Variants in TNNT1 observed in about 807,000 individuals in gnomAD.
The protein encoded by TNNT1 is troponin T, slow skeletal muscle.
In TNNT1, 53 loss-of-function variants were observed where a neutral mutation model predicts 50.6. That is an observed-to-expected ratio of 1.05 (90% confidence interval 0.84 to 1.32). The LOEUF is 1.32. TNNT1 is among the 40% of genes most tolerant of loss of function. The probability of loss-of-function intolerance (pLI) is 0.00; values close to 1 mark genes in which losing one functional copy is unlikely to be tolerated. For missense variants in TNNT1, 348 were observed against 381.7 expected (o/e 0.91, Z 0.74); for synonymous variants, 142 against 138.0 (o/e 1.03, Z -0.20).
At chr19:55,135,905 A>G (rs1409226988) in intron 11 of TNNT1, among the ~76,000 whole-genome samples, 3 of 152,186 alleles carry the variant, frequency 2.0e-5, no homozygotes, top group African/African-American at 7.2e-5. Context: ...CCTGCTGTGC[A>G]CATCCTTTCC....
intron 9 of TNNT1, 101 bp from the exon 10 acceptor site, chr19:55,138,175 G>C: frequency 6.3e-7 from 1 of 1,593,644 alleles, no homozygotes; most frequent in Non-Finnish European, 8.5e-7. Context: ...CAGACCCAGT[G>C]CCGCAGAGGC....
intron 11 of TNNT1, among the ~76,000 whole-genome samples, chr19:55,134,674 A>T (rs2085309715): frequency 9.6e-6 from 1 of 103,824 alleles, no homozygotes; most frequent in Non-Finnish European, 1.9e-5. Flanking sequence ...GAAAGGAAAG[A>T]AAAGGAGAAA....
chr19:55,137,377 C>A (rs1014524069), intron 10 of TNNT1, among the ~76,000 whole-genome samples, 165 bp from the exon 11 acceptor site: 1 of 151,948 alleles, frequency 6.6e-6, no homozygotes. Flanking sequence ...CCCACTCCCT[C>A]CTCCCTCAGA....
intron 6 of TNNT1, among the ~76,000 whole-genome samples, chr19:55,142,276 A>G (rs1032796595): frequency 1.3e-5 from 2 of 150,608 alleles, no homozygotes; most frequent in African/African-American, 2.5e-5. Context: ...GCCCACCACC[A>G]AGCCTGGCTA....
In TNNT1 at chr19:55,134,145, T is replaced by C; in HGVS notation, c.671A>G (p.Gln224Arg). The stretch of plus-strand genomic sequence containing the variant: ...CTGGTGGATCCAGTCCGACAGCTCC[T>C]GGGCTTTCTCCCTGGCAGGGCAGGA... ...QPSCPAREKA[Q>R]ELSDWIHQLE... Residue 224 changes from glutamine to arginine, a missense_variant, in exon 12 of 14, where the codon CAG becomes CGG. Transcript: ENST00000588981. The C allele has an allele frequency of 1.9e-6, 3 of 1,607,252 alleles. No homozygotes were observed. The highest frequency in any genetic ancestry group is 2.5e-6 in the Non-Finnish European group (3 of 1,177,398).
rs540498778 is a variant in TNNT1 at position 55,138,108 on chromosome 19, C to T, written c.388-34G>A. 333 of 1,613,784 alleles carry T rather than the reference C, an allele frequency of 2.1e-4. 2 individuals carry two copies. In the South Asian group the frequency reaches 3.5e-3, roughly 17 times the overall value. ...AGTAAGGGGTTAACCTCATGGACTC[C>T]CCTGTAGGACTGAGGGAGGAGGGCC... On this transcript the variant is annotated intron_variant, in intron 9 of 13. Coordinates refer to ENST00000588981, the MANE Select transcript of TNNT1 (RefSeq NM_003283.6).
chr19:55,143,734 C>T (rs188818833), intron 6 of TNNT1, among the ~76,000 whole-genome samples: 1 of 152,118 alleles, frequency 6.6e-6, no homozygotes, highest in African/African-American at 2.4e-5. Flanking sequence ...TTCCTTTTCC[C>T]TTTTCTCATC....
At chr19:55,146,530 C>T (rs998116225) in intron 4 of TNNT1, 64 bp from the exon 5 acceptor site, 4 of 1,124,648 alleles carry the variant, frequency 3.6e-6, no homozygotes, top group Non-Finnish European at 4.7e-6. Flanking sequence ...CACGCCCGGG[C>T]GCGGGAGGGG....
At chr19:55,145,667 C>T (rs1366385451) in intron 5 of TNNT1, 102 bp from the exon 6 acceptor site, 1 of 1,309,558 alleles carries the variant, frequency 7.6e-7, no homozygotes, top group Non-Finnish European at 1.1e-6. Context: ...CCTCGGCCCC[C>T]AGGACCCCAG....
chr19:55,137,089 C>A lies in TNNT1; in HGVS notation c.611+14G>T. 6.5e-7 allele frequency: 1 copy of A among 1,543,126 alleles called. No individual in the cohort carries two copies. The highest frequency in any genetic ancestry group is 1.1e-5 in the South Asian group (1 of 89,662). ...ACCCAGGCCCCTACACCCCGAGCCCCCCACAGCACCTACCGGAGCTGTTCC... is the reference window on the plus strand; with the variant it reads ...ACCCAGGCCCCTACACCCCGAGCCCACCACAGCACCTACCGGAGCTGTTCC... On this transcript the variant is annotated intron_variant, in intron 11 of 13. Transcript: ENST00000588981.
In TNNT1 at chr19:55,132,759, G is replaced by T; in HGVS notation, c.*156C>A. 1 of 714,018 alleles carries T rather than the reference G, an allele frequency of 1.4e-6. No individual in the cohort carries two copies. Among genetic ancestry groups the T allele is most frequent in the Non-Finnish European group, 2.5e-6 (1 of 405,470 alleles). 44.2% of individuals were successfully genotyped at this position (714,018 alleles called of 1,614,324 possible). A position where few individuals can be genotyped will look rare whatever the true frequency, so the allele number is the denominator to read the frequency against. ...TGACACTCTTTCAAGTAACTTGTTG[G>T]TAATAAGAAGTCAATTAACCAGGAG... On this transcript the variant is annotated 3_prime_UTR_variant, in exon 14 of 14. Transcript: ENST00000588981.
intron 6 of TNNT1, among the ~76,000 whole-genome samples, chr19:55,144,002 A>G (rs138646173): frequency 5.2e-4 from 78 of 151,128 alleles, no homozygotes; most frequent in African/African-American, 1.8e-3. Flanking sequence ...CCCCTTGCCC[A>G]ACAATCCCCA....
At chr19:55,140,793 A>G in intron 9 of TNNT1, 90 bp downstream of exon 9, 1 of 921,824 alleles carries the variant, frequency 1.1e-6, no homozygotes, top group African/African-American at 2.0e-5. Flanking sequence ...TAATAATAAT[A>G]GTAATAATAA....
At chr19:55,133,981 C>G in intron 12 of TNNT1, 54 bp from the exon 13 acceptor site, 1 of 1,612,898 alleles carries the variant, frequency 6.2e-7, no homozygotes, top group South Asian at 1.1e-5. Context: ...TGGGGACGGG[C>G]CACCCACCCC....
At chr19:55,137,878 C>T in intron 10 of TNNT1, 83 bp downstream of exon 10, 11 of 1,549,874 alleles carry the variant, frequency 7.1e-6, no homozygotes, top group Middle Eastern at 1.7e-4. Context: ...GCCTCAGCCC[C>T]TCCTCCGTTA....
chr19:55,149,165 G>A lies in TNNT1; in HGVS notation c.-16C>T. 1 of 456,270 alleles carries A rather than the reference G, an allele frequency of 2.2e-6. No homozygotes were observed. The highest frequency in any genetic ancestry group is 1.5e-5 in the South Asian group (1 of 64,564). 28.3% of individuals were successfully genotyped at this position (456,270 alleles called of 1,614,324 possible). On this transcript the variant is annotated 5_prime_UTR_variant, in exon 1 of 14. Transcript: ENST00000588981. ...GGGCTCCGCAGAGCCCCTTACCTAG[G>A]CTGTGTCTGAGATGCTGTGAATCTT...
chr19:55,145,026 G>C (rs982541994), intron 6 of TNNT1, among the ~76,000 whole-genome samples: 5 of 152,180 alleles, frequency 3.3e-5, no homozygotes, highest in Non-Finnish European at 5.9e-5. Context: ...GGGCATGGTG[G>C]CTTGCGCCTG....
intron 1 of TNNT1, among the ~76,000 whole-genome samples, chr19:55,147,833 G>C (rs529749512): frequency 6.7e-6 from 1 of 150,328 alleles, no homozygotes; most frequent in East Asian, 2.0e-4. Context: ...CTGGGGCCTG[G>C]ACTCCTGGAT....
At chr19:55,133,551 A>C (rs551561872) in intron 13 of TNNT1, 2 of 410,904 alleles carry the variant, frequency 4.9e-6, no homozygotes, top group Non-Finnish European at 8.9e-6. Context: ...GGTGGCGCGC[A>C]CCTGTAATCC....
Sources: allele counts gnomAD v4.1 joint callset (sites outside exome capture counted in the v4.1 genomes callset), GRCh38; gene constraint gnomAD v4.1.1; transcripts MANE v1.5; gene names NCBI Gene and HGNC (gene_info 2026-07-23, HGNC 2026-07-21).